Variants in PROM1 observed in about 807,000 individuals in gnomAD.
PROM1 encodes the protein prominin-1.
Under a neutral mutation model 116.9 loss-of-function variants are expected in PROM1, and 105 were observed. The ratio of observed to expected loss-of-function variants is 0.90; its 90% CI spans 0.77 to 1.06. The LOEUF is 1.06. Among genes scored for constraint, PROM1 ranks in the 50% least tolerant of loss-of-function variants. The probability of loss-of-function intolerance (pLI) is 0.00; values close to 1 mark genes in which losing one functional copy is unlikely to be tolerated. For missense variants in PROM1, 1,122 were observed against 1,045.2 expected (o/e 1.07, Z -1.01); for synonymous variants, 393 against 387.0 (o/e 1.02, Z -0.18).
intron 8 of PROM1, among the ~76,000 whole-genome samples, chr4:16,021,369 T>C (rs1357911663): frequency 6.6e-6 from 1 of 152,178 alleles, no homozygotes; most frequent in Admixed American, 6.5e-5. Context: ...TCATATACTT[T>C]TGCCCAGCCT....
At chr4:15,973,333 G>T (rs1206065978) in intron 26 of PROM1, among the ~76,000 whole-genome samples, 1 of 152,150 alleles carries the variant, frequency 6.6e-6, no homozygotes, top group Non-Finnish European at 1.5e-5. Flanking sequence ...TGTAATCCCA[G>T]CTACTCAGGA....
chr4:16,064,371 T>C (rs1741031540), intron 2 of PROM1, among the ~76,000 whole-genome samples: 1 of 151,732 alleles, frequency 6.6e-6, no homozygotes, highest in Admixed American at 6.6e-5. Flanking sequence ...AACCAAAGAG[T>C]ATATATCGTG....
At chr4:16,051,261 T>C (rs969097844) in intron 2 of PROM1, among the ~76,000 whole-genome samples, 4 of 152,126 alleles carry the variant, frequency 2.6e-5, no homozygotes, top group Admixed American at 6.5e-5. Flanking sequence ...AATGCCAGGA[T>C]GGGAGATGAG....
chr4:15,980,251 A>C (rs73230219), intron 24 of PROM1, 171 bp downstream of exon 24: 26,366 of 649,854 alleles, frequency 0.041, 678 homozygotes, highest in Middle Eastern at 0.056. Context: ...GTATAGAAAA[A>C]TCAGTACCAA....
At chr4:16,057,167 GGT>G (rs1739246412) in intron 2 of PROM1, among the ~76,000 whole-genome samples, 2 of 152,192 alleles carry the variant, frequency 1.3e-5, no homozygotes, top group Non-Finnish European at 2.9e-5. Context: ...CAGGCATCCG[GGT>G]AGTCAGTCAT....
At chr4:15,989,684 A>C in intron 19 of PROM1, 48 bp downstream of exon 19, 3 of 1,437,474 alleles carry the variant, frequency 2.1e-6, no homozygotes. Context: ...TAGCTGCAGT[A>C]GATTTTGCTC....
At chr4:16,004,818 TC>T (rs1724758693) in intron 13 of PROM1, among the ~76,000 whole-genome samples, 8 of 125,526 alleles carry the variant, frequency 6.4e-5, no homozygotes, top group Admixed American at 6.3e-4. Context: ...TTTCTTTCTT[TC>T]TTTCTTTCTT....
At chr4:16,021,892 C>A (rs929012480) in intron 8 of PROM1, among the ~76,000 whole-genome samples, 3 of 152,086 alleles carry the variant, frequency 2.0e-5, no homozygotes, top group Admixed American at 1.3e-4. Flanking sequence ...ATGTTGAAGC[C>A]CTAACCACTG....
At chr4:16,009,705 T>G (rs760093656) in intron 11 of PROM1, among the ~76,000 whole-genome samples, 6 of 152,080 alleles carry the variant, frequency 3.9e-5, no homozygotes, top group Non-Finnish European at 5.9e-5. Context: ...TTTGGGAGTC[T>G]GAGGTGGGAG....
chr4:16,022,106 G>A (rs2149324826), intron 8 of PROM1, among the ~76,000 whole-genome samples: 1 of 150,836 alleles, frequency 6.6e-6, no homozygotes, highest in East Asian at 1.9e-4. Context: ...AAGGAAGGAA[G>A]GAGGGAAGGA....
chr4:15,988,122 C>A (rs374031046), intron 19 of PROM1, among the ~76,000 whole-genome samples: 1 of 152,080 alleles, frequency 6.6e-6, no homozygotes, highest in East Asian at 1.9e-4. Flanking sequence ...GTGATCCACC[C>A]GCCTCGGCCT....
intron 16 of PROM1, among the ~76,000 whole-genome samples, chr4:15,993,375 G>A (rs1228094850): frequency 6.6e-6 from 1 of 152,174 alleles, no homozygotes; most frequent in Non-Finnish European, 1.5e-5. Flanking sequence ...CCCTAGGCCT[G>A]GGCAGCTGAA....
intron 10 of PROM1, 109 bp downstream of exon 10, chr4:16,016,057 C>A: frequency 3.0e-6 from 3 of 1,004,980 alleles, no homozygotes; most frequent in Non-Finnish European, 3.0e-6. Flanking sequence ...TTCTTGGCAA[C>A]CTTTCTCTAG....
At chr4:15,998,314 T>C (rs1722828914) in intron 15 of PROM1, 71 bp downstream of exon 15, 3 of 1,462,536 alleles carry the variant, frequency 2.1e-6, no homozygotes, top group Non-Finnish European at 2.7e-6. Flanking sequence ...TAAAAACACT[T>C]CAAATGCAAA....
intron 2 of PROM1, among the ~76,000 whole-genome samples, chr4:16,056,939 C>A (rs1445567148): frequency 6.6e-6 from 1 of 152,236 alleles, no homozygotes; most frequent in African/African-American, 2.4e-5. Context: ...AATACACTCT[C>A]ACACGAGAGC....
intron 5 of PROM1, among the ~76,000 whole-genome samples, chr4:16,027,297 A>AACACACACACACAC (rs144910885): frequency 0.072 from 10,653 of 147,070 alleles, 436 homozygotes; most frequent in East Asian, 0.2. Context: ...GTGAAGAAGA[A>AACACACACACACAC]ACACACACAC....
chr4:16,026,073 G>T (rs1293957440), intron 5 of PROM1, among the ~76,000 whole-genome samples: 2 of 152,162 alleles, frequency 1.3e-5, no homozygotes, highest in East Asian at 3.8e-4. Flanking sequence ...ATATGTACTT[G>T]TGAAAAGGAC....
At position 15,998,407 on chromosome 4, in the gene PROM1, G is replaced by C. The variant is rs1229297607; in HGVS notation, c.1660C>G (p.Leu554Val). 15 of 1,603,422 alleles carry C rather than the reference G, an allele frequency of 9.4e-6. No homozygotes were observed. The South Asian group carries it at 1.5e-4, about 16-fold the overall frequency. The change falls in exon 15 of 28, where the codon CTC becomes GTC. Residue 554 changes from leucine (L) to valine (V), a missense_variant. Leu to Val is a conservative substitution (Grantham distance 32, BLOSUM62 1). Coordinates refer to ENST00000447510, the MANE Select transcript of PROM1 (RefSeq NM_006017.3). ...TACCTGTAAACTTGTTCAAAAGTGA[G>C]CTTCATTTTTGATTTATTAAATAGC... ...GKLFNKSKMK[L>V]TFEQVYSDCK...
At chr4:15,981,263 G>A (rs1378163873) in intron 23 of PROM1, among the ~76,000 whole-genome samples, 1 of 149,196 alleles carries the variant, frequency 6.7e-6, no homozygotes, top group South Asian at 2.2e-4. Flanking sequence ...GCCTGGCTGA[G>A]TTGTTTGTTA....
Sources: allele counts gnomAD v4.1 joint callset (sites outside exome capture counted in the v4.1 genomes callset), GRCh38; gene constraint gnomAD v4.1.1; transcripts MANE v1.5; gene names NCBI Gene and HGNC (gene_info 2026-07-23, HGNC 2026-07-21).